Variants in ATP8A2 observed in about 807,000 individuals in gnomAD.
ATP8A2 encodes the protein phospholipid-transporting ATPase IB.
Under a neutral mutation model 165.6 loss-of-function variants are expected in ATP8A2, and 100 were observed. The observed-to-expected ratio is 0.60, with a 90% CI of 0.51 to 0.71. The LOEUF is 0.71. Among genes scored for constraint, ATP8A2 ranks in the 30% least tolerant of loss-of-function variants. The probability of loss-of-function intolerance (pLI) is 0.00; values close to 1 mark genes in which losing one functional copy is unlikely to be tolerated. For missense variants in ATP8A2, 1,227 were observed against 1,479.5 expected, an observed-to-expected ratio of 0.83 and a Z score of 2.80; for synonymous variants, 543 against 548.8, an observed-to-expected ratio of 0.99 and a Z score of 0.15.
At chr13:25,748,702 A>C (rs111671741) in intron 25 of ATP8A2, among the ~76,000 whole-genome samples, 2 of 152,302 alleles carry the variant, frequency 1.3e-5, no homozygotes, top group Non-Finnish European at 2.9e-5. Context: ...CTGTTCATCA[A>C]CTAAAATGCT....
intron 33 of ATP8A2, chr13:25,868,066 G>C (rs762322696): frequency 4.4e-6 from 2 of 454,852 alleles, no homozygotes; most frequent in Non-Finnish European, 8.8e-6. Flanking sequence ...CGGCCTTGTG[G>C]GTAGCCCCGG....
intron 33 of ATP8A2, among the ~76,000 whole-genome samples, chr13:25,939,687 A>G (rs1470935595): frequency 6.6e-6 from 1 of 152,140 alleles, no homozygotes. Flanking sequence ...CTGGCCCTCC[A>G]CAACCTGGAA....
intron 15 of ATP8A2, among the ~76,000 whole-genome samples, 196 bp from the exon 16 acceptor site, chr13:25,563,755 GTATCT>G (rs1270750542): frequency 1.3e-5 from 2 of 152,210 alleles, no homozygotes; most frequent in East Asian, 3.9e-4. Context: ...AACTCGTAAA[GTATCT>G]TATTTATAGT....
intron 30 of ATP8A2, among the ~76,000 whole-genome samples, chr13:25,842,425 A>T (rs190822251): frequency 6.6e-6 from 1 of 152,326 alleles, no homozygotes; most frequent in East Asian, 1.9e-4. Context: ...CTATAATCCC[A>T]AAACTTTGGG....
At chr13:25,956,332 C>G (rs1031734978) in intron 33 of ATP8A2, among the ~76,000 whole-genome samples, 2 of 152,324 alleles carry the variant, frequency 1.3e-5, no homozygotes, top group Non-Finnish European at 2.9e-5. Context: ...GTCAGATTGT[C>G]TCTGTTTGCA....
chr13:25,404,141 C>A (rs758236870), intron 1 of ATP8A2, among the ~76,000 whole-genome samples: 1 of 152,126 alleles, frequency 6.6e-6, no homozygotes, highest in Non-Finnish European at 1.5e-5. Context: ...GTAGAGGAAG[C>A]ACACAGGAAA....
chr13:25,652,716 C>G (rs2041841188), intron 24 of ATP8A2, among the ~76,000 whole-genome samples: 1 of 152,124 alleles, frequency 6.6e-6, no homozygotes, highest in Admixed American at 6.5e-5. Flanking sequence ...TTCTAACTGG[C>G]TCTTATTGGT....
At chr13:25,556,087 G>A (rs1030690799) in intron 13 of ATP8A2, among the ~76,000 whole-genome samples, 1 of 152,206 alleles carries the variant, frequency 6.6e-6, no homozygotes, top group Non-Finnish European at 1.5e-5. Flanking sequence ...GATGCTGCAT[G>A]TCTTTTTGTT....
At position 25,845,675 on chromosome 13, in the gene ATP8A2, T is replaced by C. The variant is rs79397117; in HGVS notation, c.2956+6051T>C. On this transcript the variant is annotated intron_variant, in intron 30 of 36. Transcript: ENST00000381655. ...TGCACGTGTATAAAATAAAACTCAG[T>C]GTGACTCTCTTTTCCCCTGGCATTC... Among the ~76,000 whole-genome samples the C allele has an allele frequency of 9.8e-5, 15 of 152,358 alleles. No individual in the cohort carries two copies. In the East Asian group the frequency reaches 2.9e-3, roughly 29 times the overall value.
chr13:25,812,708 G>A (rs1950909964), intron 27 of ATP8A2, among the ~76,000 whole-genome samples: 3 of 151,698 alleles, frequency 2.0e-5, no homozygotes, highest in African/African-American at 7.3e-5. Flanking sequence ...TTAAATTATG[G>A]TAAAACTATA....
At chr13:25,973,957 A>T (rs1394856895) in intron 35 of ATP8A2, among the ~76,000 whole-genome samples, 1 of 152,220 alleles carries the variant, frequency 6.6e-6, no homozygotes, top group Non-Finnish European at 1.5e-5. Context: ...AGCCAAAAGG[A>T]TAGGAAATTA....
At chr13:25,957,345 A>G (rs972126580) in intron 33 of ATP8A2, among the ~76,000 whole-genome samples, 2 of 152,246 alleles carry the variant, frequency 1.3e-5, no homozygotes, top group African/African-American at 2.4e-5. Context: ...AGAATGGGAG[A>G]GAATGTTTGC....
intron 27 of ATP8A2, among the ~76,000 whole-genome samples, chr13:25,801,976 T>A (rs1466348025): frequency 6.6e-6 from 1 of 152,056 alleles, no homozygotes; most frequent in African/African-American, 2.4e-5. Context: ...GAGAATAACA[T>A]GTAGGTATCT....
chr13:25,433,022 T>C (rs988243983), intron 1 of ATP8A2, among the ~76,000 whole-genome samples: 1 of 152,200 alleles, frequency 6.6e-6, no homozygotes, highest in African/African-American at 2.4e-5. Context: ...TGGAGAAATC[T>C]GAGTTAGTCT....
chr13:25,921,048 C>G (rs1195802354), intron 33 of ATP8A2, among the ~76,000 whole-genome samples: 1 of 151,904 alleles, frequency 6.6e-6, no homozygotes, highest in African/African-American at 2.4e-5. Context: ...CCAGCTTGGG[C>G]AACAGGGTGA....
intron 24 of ATP8A2, among the ~76,000 whole-genome samples, chr13:25,650,526 C>T (rs1473272274): frequency 6.6e-6 from 1 of 152,088 alleles, no homozygotes; most frequent in African/African-American, 2.4e-5. Context: ...TTTTTCTCGA[C>T]CTATCTAGCT....
intron 33 of ATP8A2, among the ~76,000 whole-genome samples, chr13:25,937,449 C>G (rs1954937246): frequency 7.0e-6 from 1 of 143,388 alleles, no homozygotes; most frequent in African/African-American, 2.6e-5. Context: ...TTGTCCTTTG[C>G]TTTTCTTGCT....
At chr13:25,559,143 T>C in intron 14 of ATP8A2, 82 bp downstream of exon 14, 1 of 919,674 alleles carries the variant, frequency 1.1e-6, no homozygotes, top group South Asian at 1.5e-5. Flanking sequence ...TAGTCAAATA[T>C]CTTGACTTTC....
Position 25,372,371 on chromosome 13 carries a change from C to A in ATP8A2, c.76+83C>A. The A allele has an allele frequency of 1.0e-6, 1 of 990,942 alleles. No individual in the cohort carries two copies. The highest frequency in any genetic ancestry group is 1.3e-6 in the Non-Finnish European group (1 of 744,318). The allele number at this position is 990,942 out of a possible 1,614,324, so 61.4% of individuals were successfully genotyped here. ...CGCGCCTGCGGTTATGCGACACTGC[C>A]CCGCCCGCGCCCCGCTCCCCTCCCT... is the stretch of plus-strand genomic sequence containing the variant. On this transcript the variant is annotated intron_variant, in intron 1 of 36. Transcript: ENST00000381655. The surrounding 1 kb of genome is among the most constrained non-coding windows in gnomAD (Gnocchi z 4.8).
Sources: gnomAD v4.1 joint callset for allele counts (sites outside exome capture counted in the v4.1 genomes callset) on GRCh38, gnomAD v4.1.1 for gene constraint, Gnocchi (gnomAD v3.1) non-coding constraint, MANE v1.5 for transcripts, NCBI Gene and HGNC (gene_info 2026-07-23, HGNC 2026-07-21) for gene names.